The following ECPAS variants were observed in gnomAD, a reference collection of about 807,000 sequenced individuals.
ECPAS encodes the protein proteasome adapter and scaffold protein ECM29.
ECPAS carries 70 observed loss-of-function variants against 255.1 expected under a neutral mutation model. That is an observed-to-expected ratio of 0.27 (90% CI 0.23 to 0.33). The LOEUF (loss-of-function observed/expected upper bound fraction) is 0.33, where lower values mean the gene tolerates loss of function less well. Ranked by LOEUF, ECPAS falls within the 10% of genes least tolerant of loss-of-function variation. The pLI, the probability that ECPAS is intolerant of heterozygous loss-of-function variation, is 1.00. For synonymous variants in ECPAS, 784 were observed against 775.0 expected (o/e 1.01, Z -0.19); for missense variants, 1,817 against 2,206.4 (o/e 0.82, Z 3.54).
chr9:111,405,227 T>C (rs543581584), intron 24 of ECPAS, among the ~76,000 whole-genome samples: 2 of 149,712 alleles, frequency 1.3e-5, no homozygotes, highest in Admixed American at 6.6e-5. Flanking sequence ...CATACACCAA[T>C]GGAACAGAAT....
rs937514678 is a variant in ECPAS, at chr9:111,385,357, T to C, written c.3613A>G (p.Arg1205Gly). 1.3e-6 allele frequency: 2 copies of C among 1,543,700 alleles called. No individual in the cohort carries two copies. The highest frequency in any genetic ancestry group is 1.2e-5 in the South Asian group (1 of 84,886). ...KLPEIWETLF[R>G]VQDDIKESVR... ...AATACCTTGATATCATCTTGTACTC[T>C]AAAAAGCGTTTCCCAAATTTCTGGA... The change falls in exon 33 of 50, where the codon AGA becomes GGA. Residue 1205 changes from arginine (R) to glycine (G), a missense_variant. Arg to Gly is a moderately radical substitution (Grantham distance 125). Coordinates refer to ENST00000684092, the MANE Select transcript of ECPAS (RefSeq NM_001364929.1).
chr9:111,380,432 T>A (rs868166638), intron 35 of ECPAS, among the ~76,000 whole-genome samples: 2 of 152,224 alleles, frequency 1.3e-5, no homozygotes, highest in Non-Finnish European at 2.9e-5. Flanking sequence ...TGTTAACAGA[T>A]AAGCTGTCAT....
intron 24 of ECPAS, among the ~76,000 whole-genome samples, chr9:111,404,551 G>T (rs1004254992): frequency 6.7e-6 from 1 of 148,896 alleles, no homozygotes; most frequent in African/African-American, 2.6e-5. Flanking sequence ...GACAGGGAGC[G>T]TGTAGCACCT....
chr9:111,362,243 T>C, intron 49 of ECPAS, 74 bp from the exon 50 acceptor site: 1 of 1,318,272 alleles, frequency 7.6e-7, no homozygotes, highest in Admixed American at 2.8e-5. Flanking sequence ...AAAGAATCCT[T>C]ATAGAACAAG....
At chr9:111,459,219 T>A (rs10980901) in intron 2 of ECPAS, among the ~76,000 whole-genome samples, 4,867 of 152,178 alleles carry the variant, frequency 0.032, 133 homozygotes, top group East Asian at 0.083. Flanking sequence ...TCTTTTTTTT[T>A]CCCCTTAAGC....
Position 111,385,461 on chromosome 9 carries a change from T to C in ECPAS, c.3528-19A>G, listed in dbSNP as rs1277789675. 2 of 1,318,230 alleles carry C rather than the reference T, an allele frequency of 1.5e-6. No homozygotes were observed. Among genetic ancestry groups the C allele is most frequent in the Middle Eastern group, 1.8e-4 (1 of 5,590 alleles). 81.7% of individuals were successfully genotyped at this position (1,318,230 alleles called of 1,614,324 possible). ...TAAACAGCTGAAAATCAAAATTTCA[T>C]TTCAATATATGATGAAAAAGGTCAG... On this transcript the variant is annotated intron_variant, in intron 32 of 49. Transcript: ENST00000684092.
chr9:111,450,078 T>C (rs971537687), intron 3 of ECPAS, among the ~76,000 whole-genome samples: 3 of 152,200 alleles, frequency 2.0e-5, no homozygotes, highest in Non-Finnish European at 2.9e-5. Flanking sequence ...ATTTCAACTA[T>C]GTACTATTTG....
chr9:111,411,658 G>A (rs1021766323), intron 21 of ECPAS: 13 of 188,368 alleles, frequency 6.9e-5, no homozygotes, highest in African/African-American at 1.4e-4. Flanking sequence ...AACATTTCTC[G>A]CTTTCAGTAC....
chr9:111,465,129 A>C (rs943982438), intron 2 of ECPAS, among the ~76,000 whole-genome samples: 1 of 152,152 alleles, frequency 6.6e-6, no homozygotes, highest in African/African-American at 2.4e-5. Flanking sequence ...CAAGAGCAAA[A>C]CTCTGTCTCA....
At position 111,437,024 on chromosome 9, in the gene ECPAS, G is replaced by C. The variant is rs1157586332; in HGVS notation, c.624C>G (p.Ile208Met). The change falls in exon 7 of 50, where the codon ATC (isoleucine) becomes ATG (methionine). Residue 208 changes from isoleucine to methionine, a missense_variant. Around this residue, in one of 4 missense-constraint regions of ECPAS, gnomAD observed 573 missense variants for 716.2 expected, o/e 0.80. Transcript: ENST00000684092. ...AGCTCATTCCCGGAGGAGGCTGTGG[G>C]ATTCCAGAACCTCCGCCACTGTTTG... ...SSSNSGGGSGIPQPPPGMSFY... is the reference protein window; with the variant it reads ...SSSNSGGGSGMPQPPPGMSFY... 6.2e-7 allele frequency: 1 copy of C among 1,613,174 alleles called. No homozygotes were observed. Among genetic ancestry groups the C allele is most frequent in the Non-Finnish European group, 8.5e-7 (1 of 1,179,560 alleles).
At chr9:111,406,059 T>C (rs1267152661) in intron 24 of ECPAS, among the ~76,000 whole-genome samples, 1 of 149,776 alleles carries the variant, frequency 6.7e-6, no homozygotes, top group Non-Finnish European at 1.5e-5. Context: ...TCTGAAGAGG[T>C]ATTTGTGCTC....
chr9:111,367,963 G>A (rs982287035), intron 46 of ECPAS, among the ~76,000 whole-genome samples: 1 of 151,438 alleles, frequency 6.6e-6, no homozygotes, highest in Non-Finnish European at 1.5e-5. Flanking sequence ...GATCACTTGA[G>A]CCCAGGAGGT....
intron 21 of ECPAS, 76 bp from the exon 22 acceptor site, chr9:111,411,218 T>C: frequency 7.1e-7 from 1 of 1,399,692 alleles, no homozygotes; most frequent in Non-Finnish European, 9.9e-7. Context: ...TAACTGTGTG[T>C]CGATTAGGAT....
intron 17 of ECPAS, 55 bp from the exon 18 acceptor site, chr9:111,416,407 C>T (rs2098203592): frequency 7.7e-7 from 1 of 1,293,244 alleles, no homozygotes; most frequent in Non-Finnish European, 1.1e-6. Context: ...AGCATACCTG[C>T]CCTTCCTCAA....
chr9:111,462,311 T>C (rs1445501366), intron 2 of ECPAS, among the ~76,000 whole-genome samples: 2 of 152,152 alleles, frequency 1.3e-5, no homozygotes, highest in Non-Finnish European at 2.9e-5. Context: ...GAAACTTTCA[T>C]AATCTGACAA....
chr9:111,382,584 T>C (rs2098142093), intron 35 of ECPAS, among the ~76,000 whole-genome samples: 1 of 152,102 alleles, frequency 6.6e-6, no homozygotes, highest in African/African-American at 2.4e-5. Context: ...ACACTCTTAA[T>C]TGCGTCATGC....
intron 1 of ECPAS, among the ~76,000 whole-genome samples, chr9:111,479,216 G>T (rs1330465045): frequency 6.6e-6 from 1 of 152,140 alleles, no homozygotes; most frequent in Admixed American, 6.5e-5. Context: ...AATATTTAGG[G>T]GGAAGGTGTG....
At chr9:111,384,594 C>T (rs2098145080) in intron 33 of ECPAS, 25 bp from the exon 34 acceptor site, 9 of 1,609,470 alleles carry the variant, frequency 5.6e-6, no homozygotes, top group Non-Finnish European at 7.7e-6. Flanking sequence ...AGTGTGACAT[C>T]ATACAAGTTA....
chr9:111,444,237 T>TA, intron 4 of ECPAS, 141 bp downstream of exon 4: 18 of 578,092 alleles, frequency 3.1e-5, no homozygotes, highest in East Asian at 1.2e-4. Context: ...AGTGTGTCAT[T>TA]TAAAAAAAAA....
Sources: allele counts gnomAD v4.1 joint callset (sites outside exome capture counted in the v4.1 genomes callset), GRCh38; gene constraint gnomAD v4.1.1; regional missense constraint gnomAD v4.1.1; transcripts MANE v1.5; gene names NCBI Gene and HGNC (gene_info 2026-07-23, HGNC 2026-07-21).